The following NALF1 variants were observed in gnomAD, a reference collection of about 807,000 sequenced individuals.
NALF1 encodes the protein family with sequence similarity 155 member A.
Under a neutral mutation model 48.4 loss-of-function variants are expected in NALF1, and 3 were observed. The ratio of observed to expected loss-of-function variants is 0.06; its 90% CI spans 0.03 to 0.16. The LOEUF (loss-of-function observed/expected upper bound fraction) is 0.16, where lower values mean the gene tolerates loss of function less well. Ranked by LOEUF, NALF1 falls within the 10% of genes least tolerant of loss-of-function variation. The pLI, the probability that NALF1 is intolerant of heterozygous loss-of-function variation, is 1.00. For missense variants in NALF1, 526 were observed against 571.5 expected, an observed-to-expected ratio of 0.92 and a Z score of 0.81; for synonymous variants, 262 against 245.7, an observed-to-expected ratio of 1.07 and a Z score of -0.62.
chr13:107,263,249 G>GACACACACACACACACACAC (rs34637583), intron 1 of NALF1, among the ~76,000 whole-genome samples: 1 of 138,368 alleles, frequency 7.2e-6, no homozygotes, highest in African/African-American at 2.7e-5. Flanking sequence ...AATGCTAACA[G>GACACACACACACACACACAC]ACACACACAC....
intron 1 of NALF1, among the ~76,000 whole-genome samples, chr13:107,714,558 T>C (rs1875693080): frequency 1.3e-5 from 2 of 150,430 alleles, no homozygotes; most frequent in Admixed American, 1.3e-4. Flanking sequence ...TCCCAGCTAC[T>C]TGGGAGGTTG....
intron 1 of NALF1, among the ~76,000 whole-genome samples, chr13:107,457,712 A>ACT (rs1308538760): frequency 1.3e-5 from 2 of 152,218 alleles, no homozygotes; most frequent in African/African-American, 4.8e-5. Context: ...AATCTCAGAT[A>ACT]AAGTTGAAAA....
intron 1 of NALF1, among the ~76,000 whole-genome samples, chr13:107,384,231 C>T (rs1169362023): frequency 6.6e-6 from 1 of 151,938 alleles, no homozygotes; most frequent in Non-Finnish European, 1.5e-5. Flanking sequence ...CCAGAATGGG[C>T]GACTGAGTGA....
chr13:107,564,005 T>C (rs1051074635), intron 1 of NALF1, among the ~76,000 whole-genome samples: 2 of 152,182 alleles, frequency 1.3e-5, no homozygotes, highest in Non-Finnish European at 2.9e-5. Context: ...GAAAGTCCCA[T>C]ATTTGGCCCC....
At chr13:107,468,530 T>C (rs139101171) in intron 1 of NALF1, among the ~76,000 whole-genome samples, 13 of 152,330 alleles carry the variant, frequency 8.5e-5, no homozygotes, top group Non-Finnish European at 1.5e-4. Flanking sequence ...TTTTTAAAAC[T>C]AGCCATTGTA....
intron 1 of NALF1, among the ~76,000 whole-genome samples, chr13:107,275,888 G>A (rs1452760841): frequency 6.6e-6 from 1 of 152,156 alleles, no homozygotes; most frequent in Non-Finnish European, 1.5e-5. Flanking sequence ...GGCTGAAGGA[G>A]CCACTTCGAG....
intron 1 of NALF1, among the ~76,000 whole-genome samples, chr13:107,764,175 G>A (rs1877357053): frequency 6.6e-6 from 1 of 152,084 alleles, no homozygotes; most frequent in Non-Finnish European, 1.5e-5. Flanking sequence ...TTTAGATATT[G>A]CAACATATTT....
chr13:107,244,833 T>C (rs1014706573), intron 1 of NALF1, among the ~76,000 whole-genome samples: 1 of 152,162 alleles, frequency 6.6e-6, no homozygotes, highest in Non-Finnish European at 1.5e-5. Flanking sequence ...GCTCAATATT[T>C]GCCTACTAAT....
rs138625272 is a variant in NALF1 at position 107,735,972 on chromosome 13, T to C, written c.915+129710A>G. 3.5e-3 allele frequency among the ~76,000 whole-genome samples: 529 copies of C among 152,312 alleles called. 1 individual carries two copies. Among genetic ancestry groups the C allele is most frequent in the Non-Finnish European group, 5.9e-3 (400 of 68,022 alleles). ...GAGTTATATGCTTCTCTTATGGCAT[T>C]TGCCTCATTTTATCTTGTCTGACAT... is the stretch of plus-strand genomic sequence containing the variant. On this transcript the variant is annotated intron_variant, in intron 1 of 2. Transcript: ENST00000375915.
chr13:107,744,517 A>T (rs1876729436), intron 1 of NALF1, among the ~76,000 whole-genome samples: 1 of 152,246 alleles, frequency 6.6e-6, no homozygotes, highest in African/African-American at 2.4e-5. Context: ...ATTAACCATT[A>T]TAGAAAGAGG....
chr13:107,696,189 A>C (rs537805210), intron 1 of NALF1, among the ~76,000 whole-genome samples: 1 of 152,182 alleles, frequency 6.6e-6, no homozygotes, highest in Non-Finnish European at 1.5e-5. Context: ...GAGCCACTGC[A>C]CCTGGCCTAT....
chr13:107,667,140 C>A (rs1880880315), intron 1 of NALF1, among the ~76,000 whole-genome samples: 1 of 151,952 alleles, frequency 6.6e-6, no homozygotes, highest in African/African-American at 2.4e-5. Flanking sequence ...TTTAATTGCT[C>A]AATAAATGCA....
At chr13:107,339,680 G>C (rs1882632595) in intron 1 of NALF1, among the ~76,000 whole-genome samples, 1 of 152,232 alleles carries the variant, frequency 6.6e-6, no homozygotes, top group South Asian at 2.1e-4. Flanking sequence ...CTGGATAATT[G>C]CATCATTTAT....
rs1307381034 is a variant in NALF1, at chr13:107,867,183, CCTT to C, written c.-590_-588del. Among the ~76,000 whole-genome samples, 6 of 151,854 alleles carry C rather than the reference CCTT, an allele frequency of 4.0e-5. No homozygotes were observed. Among genetic ancestry groups the C allele is most frequent in the East Asian group, 3.9e-4 (2 of 5,116 alleles). ...TCTTCCTCCTCCTTCCTTTCCTTCT[CCTT>C]CTTCTTCTCCTCCGCCTCCCGCTCC... On this transcript the variant is annotated 5_prime_UTR_variant, in exon 1 of 3. Coordinates refer to ENST00000375915, the MANE Select transcript of NALF1 (RefSeq NM_001080396.3). This position sits in a 1 kb window ranked among gnomAD's most constrained non-coding sequence, Gnocchi z 4.4.
At chr13:107,672,456 C>T (rs564433059) in intron 1 of NALF1, among the ~76,000 whole-genome samples, 2 of 152,108 alleles carry the variant, frequency 1.3e-5, no homozygotes, top group South Asian at 4.2e-4. Flanking sequence ...AAACACAGTC[C>T]TAATATCAAC....
rs561208559 is a variant in NALF1, at chr13:107,362,779, T to C, written c.916-152024A>G. ...CGTGTGTGCTTTTACAACTTTCCCA[T>C]AGGTGAGCATGTACCTGTCTGAGTG... On this transcript the variant is annotated intron_variant, in intron 1 of 2. Coordinates refer to ENST00000375915, the MANE Select transcript of NALF1 (RefSeq NM_001080396.3). This position sits in a 1 kb window ranked among gnomAD's most constrained non-coding sequence, Gnocchi z 4.6. Among the ~76,000 whole-genome samples, 9 of 152,228 alleles carry C rather than the reference T, an allele frequency of 5.9e-5. No individual in the cohort carries two copies. The East Asian group carries it at 9.6e-4, about 16-fold the overall frequency.
intron 1 of NALF1, among the ~76,000 whole-genome samples, chr13:107,307,261 T>C (rs985504924): frequency 2.0e-5 from 3 of 152,128 alleles, no homozygotes; most frequent in African/African-American, 7.2e-5. Context: ...AATCCCAGTG[T>C]CCACACTGCA....
intron 1 of NALF1, among the ~76,000 whole-genome samples, chr13:107,575,724 T>C (rs1357573410): frequency 6.6e-6 from 1 of 152,050 alleles, no homozygotes; most frequent in African/African-American, 2.4e-5. Flanking sequence ...CAGTCTGTAG[T>C]GGGAGAGGGT....
At chr13:107,206,835 A>G (rs1879654022) in intron 2 of NALF1, among the ~76,000 whole-genome samples, 1 of 152,204 alleles carries the variant, frequency 6.6e-6, no homozygotes, top group Non-Finnish European at 1.5e-5. Context: ...CTTACAGAAT[A>G]CTTTTTTTTG....
Sources: gnomAD v4.1 joint callset for allele counts (sites outside exome capture counted in the v4.1 genomes callset) on GRCh38, gnomAD v4.1.1 for gene constraint, Gnocchi (gnomAD v3.1) non-coding constraint, MANE v1.5 for transcripts, NCBI Gene and HGNC (gene_info 2026-07-23, HGNC 2026-07-21) for gene names.